NR5A2: variants seen among roughly 807,000 people sequenced by gnomAD.
NR5A2 encodes nuclear receptor subfamily 5 group A member 2.
Under a neutral mutation model 62.7 loss-of-function variants are expected in NR5A2, and 26 were observed. That is an observed-to-expected ratio of 0.41 (90% CI 0.30 to 0.58). The LOEUF (loss-of-function observed/expected upper bound fraction) is 0.58. NR5A2 is among the 20% of genes least tolerant of loss of function. NR5A2 has a pLI of 0.22. For missense variants in NR5A2, 541 were observed against 669.1 expected (o/e 0.81, Z 2.11); for synonymous variants, 246 against 241.7 (o/e 1.02, Z -0.16).
chr1:200,052,914 A>T (rs1225223207), intron 5 of NR5A2, among the ~76,000 whole-genome samples: 1 of 152,192 alleles, frequency 6.6e-6, no homozygotes, highest in South Asian at 2.1e-4. Context: ...TTCTGGGATT[A>T]TAGGCATGAG....
At position 200,030,508 on chromosome 1, in the gene NR5A2, G is replaced by A. The variant is rs1267378078; in HGVS notation, c.64+2597G>A. ...TGTTCCCTTAAAGTTAACTAACTCTGGGACACTGGCCAGACTCTTGGTTTC... is the reference window on the plus strand; with the variant it reads ...TGTTCCCTTAAAGTTAACTAACTCTAGGACACTGGCCAGACTCTTGGTTTC... On this transcript the variant is annotated intron_variant, in intron 1 of 7. Coordinates refer to ENST00000367362, the MANE Select transcript of NR5A2 (RefSeq NM_205860.3). Among the ~76,000 whole-genome samples the A allele has an allele frequency of 2.6e-5, 4 of 152,158 alleles. No individual in the cohort carries two copies. The South Asian group carries it at 8.3e-4, about 31-fold the overall frequency.
At chr1:200,125,534 C>T (rs1030690460) in intron 7 of NR5A2, among the ~76,000 whole-genome samples, 16 of 152,188 alleles carry the variant, frequency 1.1e-4, no homozygotes, top group Non-Finnish European at 1.6e-4. Context: ...TAAATGTCCT[C>T]ACCAGCCTGT....
At position 200,048,164 on chromosome 1, in the gene NR5A2, C is replaced by T. The variant is rs1259475351; in HGVS notation, c.464-8C>T. On this transcript the variant is annotated splice_region_variant and splice_polypyrimidine_tract_variant and intron_variant, in intron 4 of 7. Transcript: ENST00000367362. The surrounding 1 kb of genome is among the most constrained non-coding windows in gnomAD (Gnocchi z 4.8). ...TTTCCTTCCTTCCCCCCACCCCACC[C>T]CCAACAGCTGTAAGGGCCGACCGAA... The T allele has an allele frequency of 2.5e-6, 4 of 1,590,410 alleles. No homozygotes were observed. The South Asian group carries it at 3.4e-5, about 14-fold the overall frequency.
At chr1:200,173,511 T>C (rs1654277725) in intron 7 of NR5A2, among the ~76,000 whole-genome samples, 1 of 152,254 alleles carries the variant, frequency 6.6e-6, no homozygotes, top group Non-Finnish European at 1.5e-5. Flanking sequence ...TGTCACTTTT[T>C]ATTAGAATTA....
At chr1:200,104,881 T>C (rs186083634) in intron 5 of NR5A2, among the ~76,000 whole-genome samples, 2 of 152,308 alleles carry the variant, frequency 1.3e-5, no homozygotes, top group African/African-American at 4.8e-5. Flanking sequence ...CAGGCTGGTC[T>C]CGAATTCCCG....
At chr1:200,163,919 G>A (rs1204682406) in intron 7 of NR5A2, among the ~76,000 whole-genome samples, 4 of 152,082 alleles carry the variant, frequency 2.6e-5, no homozygotes, top group Non-Finnish European at 5.9e-5. Context: ...ATCTCATGTC[G>A]AACTGTAATC....
At chr1:200,041,556 G>T (rs778224963) in intron 2 of NR5A2, among the ~76,000 whole-genome samples, 2 of 152,160 alleles carry the variant, frequency 1.3e-5, no homozygotes, top group Non-Finnish European at 2.9e-5. Context: ...AGAGCAGCGC[G>T]CCCAACTTTG....
intron 7 of NR5A2, among the ~76,000 whole-genome samples, chr1:200,126,084 G>GCAATCCTCCCTCA (rs2102318788): frequency 6.6e-6 from 1 of 152,250 alleles, no homozygotes; most frequent in African/African-American, 2.4e-5. Context: ...CTGGCCTCAA[G>GCAATCCTCCCTCA]CAATCCTCCC....
chr1:200,099,503 T>C (rs1449523329), intron 5 of NR5A2, among the ~76,000 whole-genome samples: 1 of 152,196 alleles, frequency 6.6e-6, no homozygotes, highest in Non-Finnish European at 1.5e-5. Context: ...GCATCTATTT[T>C]ACAAGCTGGA....
chr1:200,050,248 G>GTC (rs1407595481), intron 5 of NR5A2, among the ~76,000 whole-genome samples: 1 of 152,164 alleles, frequency 6.6e-6, no homozygotes, highest in Non-Finnish European at 1.5e-5. Flanking sequence ...TCAAAACTGT[G>GTC]TCCTTAATCA....
intron 5 of NR5A2, among the ~76,000 whole-genome samples, chr1:200,102,455 T>G (rs1665422055): frequency 6.6e-6 from 1 of 152,230 alleles, no homozygotes. Flanking sequence ...TTTTGCTTTC[T>G]GTCTACCCCT....
intron 5 of NR5A2, among the ~76,000 whole-genome samples, chr1:200,080,006 T>G (rs555247397): frequency 7.5e-4 from 114 of 152,372 alleles, no homozygotes; most frequent in African/African-American, 2.7e-3. Flanking sequence ...AAATAGCTTT[T>G]GACTTTATTA....
At chr1:200,159,682 C>T (rs1240222820) in intron 7 of NR5A2, among the ~76,000 whole-genome samples, 2 of 151,576 alleles carry the variant, frequency 1.3e-5, no homozygotes, top group African/African-American at 2.4e-5. Flanking sequence ...GACAGAGTCT[C>T]GCTCTGTCCT....
chr1:200,088,173 G>A (rs1472647312), intron 5 of NR5A2, among the ~76,000 whole-genome samples: 3 of 152,166 alleles, frequency 2.0e-5, no homozygotes, highest in Non-Finnish European at 4.4e-5. Context: ...CCAAAGTGTT[G>A]GCATTAGAGG....
chr1:200,054,962 T>G (rs1662840704), intron 5 of NR5A2, among the ~76,000 whole-genome samples: 1 of 151,982 alleles, frequency 6.6e-6, no homozygotes, highest in African/African-American at 2.4e-5. Context: ...AGTGGCATGA[T>G]CATAGCTCAC....
At chr1:200,120,085 CAG>C (rs547896460) in intron 6 of NR5A2, among the ~76,000 whole-genome samples, 57 of 152,160 alleles carry the variant, frequency 3.7e-4, no homozygotes, top group Non-Finnish European at 7.6e-4. Flanking sequence ...TTTTAGGAAA[CAG>C]AAAACTAAAG....
intron 1 of NR5A2, chr1:200,038,674 C>G: frequency 3.7e-6 from 5 of 1,362,770 alleles, no homozygotes; most frequent in Non-Finnish European, 4.9e-6. Flanking sequence ...ACCCGCGCCC[C>G]CATCCCTTCT....
intron 7 of NR5A2, among the ~76,000 whole-genome samples, chr1:200,131,535 G>T (rs1666969708): frequency 6.6e-6 from 1 of 152,178 alleles, no homozygotes; most frequent in African/African-American, 2.4e-5. Flanking sequence ...AGGCAAGCTA[G>T]GAATAACCAG....
At chr1:200,129,210 G>C (rs1666857158) in intron 7 of NR5A2, among the ~76,000 whole-genome samples, 2 of 151,876 alleles carry the variant, frequency 1.3e-5, no homozygotes. Context: ...TGGGAACTCT[G>C]TCTCATCACT....
Sources: allele counts gnomAD v4.1 joint callset (sites outside exome capture counted in the v4.1 genomes callset), GRCh38; gene constraint gnomAD v4.1.1; non-coding constraint Gnocchi (gnomAD v3.1); transcripts MANE v1.5; gene names NCBI Gene and HGNC (gene_info 2026-07-23, HGNC 2026-07-21).